Variants in NRXN3 observed in about 807,000 individuals in gnomAD.
NRXN3 encodes the protein neurexin 3, also known as neurexin III.
NRXN3 carries 32 observed loss-of-function variants against 137.6 expected under a neutral mutation model. The ratio of observed to expected loss-of-function variants is 0.23; its 90% CI spans 0.18 to 0.31. The LOEUF (loss-of-function observed/expected upper bound fraction) is 0.31. NRXN3 is among the 10% of genes least tolerant of loss of function. The pLI, the probability that NRXN3 is intolerant of heterozygous loss-of-function variation, is 1.00. For missense variants in NRXN3, 1,574 were observed against 2,062.5 expected (o/e 0.76, Z 4.59); for synonymous variants, 798 against 784.5 (o/e 1.02, Z -0.29).
intron 4 of NRXN3, among the ~76,000 whole-genome samples, chr14:78,637,706 T>A (rs2097579163): frequency 6.6e-6 from 1 of 152,254 alleles, no homozygotes. Context: ...CAGTTCATAA[T>A]GTAAGTCCAC....
At chr14:78,529,591 G>T (rs1286764863) in intron 4 of NRXN3, among the ~76,000 whole-genome samples, 1 of 152,034 alleles carries the variant, frequency 6.6e-6, no homozygotes, top group Non-Finnish European at 1.5e-5. Flanking sequence ...TCTTTGTTTT[G>T]TCTTTGCAGC....
intron 15 of NRXN3, among the ~76,000 whole-genome samples, chr14:79,173,315 A>G (rs752761850): frequency 1.3e-5 from 2 of 152,064 alleles, no homozygotes; most frequent in Non-Finnish European, 2.9e-5. Context: ...GGATCACTTG[A>G]GCCCAGGAGT....
intron 15 of NRXN3, among the ~76,000 whole-genome samples, chr14:79,002,526 C>A (rs1204074112): frequency 6.6e-6 from 1 of 152,086 alleles, no homozygotes; most frequent in Non-Finnish European, 1.5e-5. Flanking sequence ...GCTTCATCTA[C>A]GTCCCTGCAA....
chr14:78,637,716 C>A (rs1566946647), intron 4 of NRXN3, among the ~76,000 whole-genome samples: 1 of 152,250 alleles, frequency 6.6e-6, no homozygotes, highest in South Asian at 2.1e-4. Context: ...TGTAAGTCCA[C>A]TGTTCAACCA....
At chr14:78,820,350 C>T (rs1421104666) in intron 10 of NRXN3, among the ~76,000 whole-genome samples, 1 of 144,226 alleles carries the variant, frequency 6.9e-6, no homozygotes, top group East Asian at 2.0e-4. Context: ...AGTCTGTTTA[C>T]TGATTCAAAG....
intron 8 of NRXN3, among the ~76,000 whole-genome samples, chr14:78,784,064 G>GAAAAAAAAAAAAAAA (rs11288913): frequency 1.0e-5 from 1 of 98,306 alleles, no homozygotes. Context: ...TAACACATGA[G>GAAAAAAAAAAAAAAA]AAAAAAAAAA....
At chr14:78,332,025 A>T (rs1008183971) in intron 4 of NRXN3, among the ~76,000 whole-genome samples, 19 of 152,126 alleles carry the variant, frequency 1.2e-4, no homozygotes, top group Admixed American at 1.1e-3. Flanking sequence ...AGTAGACTTG[A>T]GATTAGGGCT....
Position 79,697,895 on chromosome 14 carries a change from G to A in NRXN3, c.3972G>A (p.Ala1324=), listed in dbSNP as rs768779607. The A allele has an allele frequency of 1.2e-5, 19 of 1,612,894 alleles. No individual in the cohort carries two copies. Among genetic ancestry groups the A allele is most frequent in the East Asian group, 6.7e-5 (3 of 44,832 alleles). The change falls in exon 19 of 21, where the codon GCG becomes GCA. Residue 1324 remains alanine, a synonymous_variant. Transcript: ENST00000335750. ...TCATGGAAACCACTACTACAATGGC[G>A]ACTACCACAACCCGTAAGAATCGCT... is the stretch of plus-strand genomic sequence containing the variant. ...TTVMETTTTM[A]TTTTRKNRST... is the part of the protein sequence containing the mutation.
At chr14:79,527,634 G>T (rs536147160) in intron 16 of NRXN3, among the ~76,000 whole-genome samples, 2 of 151,890 alleles carry the variant, frequency 1.3e-5, no homozygotes, top group African/African-American at 4.8e-5. Flanking sequence ...GCACTTTGGG[G>T]GGCCAAGGTG....
chr14:79,794,683 T>A (rs1603509921), intron 19 of NRXN3, among the ~76,000 whole-genome samples: 1 of 152,134 alleles, frequency 6.6e-6, no homozygotes, highest in East Asian at 1.9e-4. Flanking sequence ...GAGGCCAGCT[T>A]TGGCCTGAGA....
chr14:78,672,865 G>A (rs1044272712), intron 6 of NRXN3, among the ~76,000 whole-genome samples: 1 of 152,050 alleles, frequency 6.6e-6, no homozygotes, highest in Non-Finnish European at 1.5e-5. Context: ...CATTTCTAAG[G>A]GTTTATTATA....
At chr14:78,391,402 G>A (rs2090756272) in intron 4 of NRXN3, among the ~76,000 whole-genome samples, 1 of 152,032 alleles carries the variant, frequency 6.6e-6, no homozygotes. Context: ...TGTGCTCATG[G>A]GCTACTAAAG....
At chr14:78,483,740 G>C (rs2153742711) in intron 4 of NRXN3, among the ~76,000 whole-genome samples, 1 of 152,312 alleles carries the variant, frequency 6.6e-6, no homozygotes, top group Middle Eastern at 3.4e-3. Context: ...TTCCAGGTGA[G>C]AGGGGAGGAC....
intron 6 of NRXN3, among the ~76,000 whole-genome samples, chr14:78,660,253 TTATATATA>T (rs373491178): frequency 7.2e-6 from 1 of 139,704 alleles, no homozygotes; most frequent in East Asian, 2.2e-4. Flanking sequence ...AGAAGTAGAT[TTATATATA>T]TATATATATA....
intron 16 of NRXN3, among the ~76,000 whole-genome samples, chr14:79,629,000 G>A (rs146003847): frequency 6.6e-5 from 10 of 152,102 alleles, no homozygotes; most frequent in African/African-American, 1.4e-4. Context: ...AACTAGATCC[G>A]TTTCTCTACC....
intron 14 of NRXN3, among the ~76,000 whole-genome samples, chr14:78,983,046 C>A (rs1273278831): frequency 2.0e-5 from 3 of 152,108 alleles, no homozygotes; most frequent in African/African-American, 7.2e-5. Flanking sequence ...TGCTCAACAT[C>A]ACTCATCTTT....
chr14:78,402,542 A>G (rs2092166369), intron 4 of NRXN3, among the ~76,000 whole-genome samples: 1 of 152,208 alleles, frequency 6.6e-6, no homozygotes, highest in African/African-American at 2.4e-5. Context: ...TATATAGCAG[A>G]GGAGTAAAGT....
At chr14:78,238,940 G>A (rs1005321632) in intron 1 of NRXN3, among the ~76,000 whole-genome samples, 8 of 152,264 alleles carry the variant, frequency 5.3e-5, no homozygotes, top group African/African-American at 1.9e-4. Context: ...GGGCAGCAGA[G>A]TTTTTCATTC....
chr14:78,381,632 A>G, intron 4 of NRXN3, among the ~76,000 whole-genome samples: 1 of 152,234 alleles, frequency 6.6e-6, no homozygotes, highest in East Asian at 1.9e-4. Context: ...CTATACAAGA[A>G]TGTCTATAGG....
Sources: gnomAD v4.1 joint callset for allele counts (sites outside exome capture counted in the v4.1 genomes callset) on GRCh38, gnomAD v4.1.1 for gene constraint, MANE v1.5 for transcripts, NCBI Gene and HGNC (gene_info 2026-07-23, HGNC 2026-07-21) for gene names.